RAPGEF6: variants seen among roughly 807,000 people sequenced by gnomAD.
RAPGEF6 encodes Rap guanine nucleotide exchange factor 6.
RAPGEF6 carries 56 observed loss-of-function variants against 171.4 expected under a neutral mutation model. The ratio of observed to expected loss-of-function variants is 0.33; its 90% CI spans 0.26 to 0.41. RAPGEF6 has a LOEUF of 0.41. RAPGEF6 is among the 10% of genes least tolerant of loss of function. RAPGEF6 has a pLI of 1.00. For synonymous variants in RAPGEF6, 692 were observed against 650.1 expected (o/e 1.06, Z -0.98); for missense variants, 1,674 against 1,921.4 (o/e 0.87, Z 2.41).
rs747282777 is a variant in RAPGEF6 at position 131,462,131 on chromosome 5, GATTAA to G, written c.2481-48_2481-44del. ...TTTAAATAAATGTATTCATAAATAT[GATTAA>G]ATAAGAGCACTTTTCCTTTTTGTCG... On this transcript the variant is annotated intron_variant, in intron 18 of 27. Transcript: ENST00000509018. 1.1e-5 allele frequency: 14 copies of G among 1,302,048 alleles called. No homozygotes were observed. In the Admixed American group the frequency reaches 2.7e-4, roughly 25 times the overall value. The allele number at this position is 1,302,048 out of a possible 1,614,324, so 80.7% of individuals were successfully genotyped here. A position where few individuals can be genotyped will look rare whatever the true frequency, so the allele number is the denominator to read the frequency against.
chr5:131,431,399 TTC>T (rs1258067580), intron 25 of RAPGEF6, 50 bp from the exon 26 acceptor site: 4 of 1,526,848 alleles, frequency 2.6e-6, no homozygotes, highest in Non-Finnish European at 3.5e-6. Flanking sequence ...AAAAACTATC[TTC>T]TCTCTGTTTC....
At chr5:131,552,758 G>A (rs1214981979) in intron 5 of RAPGEF6, among the ~76,000 whole-genome samples, 1 of 151,812 alleles carries the variant, frequency 6.6e-6, no homozygotes, top group Non-Finnish European at 1.5e-5. Context: ...ACCACACCAG[G>A]CCAACAAAAA....
intron 21 of RAPGEF6, chr5:131,446,968 T>C: frequency 2.7e-6 from 1 of 373,126 alleles, no homozygotes; most frequent in Non-Finnish European, 4.9e-6. Context: ...TGTTTGTGCC[T>C]ATGCAACCTA....
intron 6 of RAPGEF6, among the ~76,000 whole-genome samples, chr5:131,523,380 T>C (rs1461989807): frequency 6.7e-6 from 1 of 149,446 alleles, no homozygotes; most frequent in African/African-American, 2.5e-5. Context: ...CTGGTCAGAA[T>C]TGGTCCAGTT....
At chr5:131,508,939 A>G (rs1444491005) in intron 8 of RAPGEF6, among the ~76,000 whole-genome samples, 1 of 152,212 alleles carries the variant, frequency 6.6e-6, no homozygotes, top group African/African-American at 2.4e-5. Flanking sequence ...TAACGTTCAT[A>G]ACATAAATCC....
At chr5:131,575,161 C>T (rs183532146) in intron 4 of RAPGEF6, among the ~76,000 whole-genome samples, 2 of 152,248 alleles carry the variant, frequency 1.3e-5, no homozygotes, top group East Asian at 3.9e-4. Flanking sequence ...TCATTCCAAC[C>T]TCTTTTCACT....
chr5:131,497,766 C>A (rs1756729629), intron 12 of RAPGEF6, among the ~76,000 whole-genome samples: 1 of 152,148 alleles, frequency 6.6e-6, no homozygotes, highest in South Asian at 2.1e-4. Flanking sequence ...AAATATAACT[C>A]AAAAAGACAC....
rs137921766 is a variant in RAPGEF6, at chr5:131,634,073, G to A, written c.69+889C>T. 3.7e-3 allele frequency among the ~76,000 whole-genome samples: 568 copies of A among 152,316 alleles called. 4 individuals carry two copies. The highest frequency in any genetic ancestry group is 0.013 in the African/African-American group (538 of 41,554). ...GTCAGCCCAACGTTACTGAGACTCA[G>A]TATGCAAAACACTACATATCTGAAA... is the stretch of plus-strand genomic sequence containing the variant. On this transcript the variant is annotated intron_variant, in intron 1 of 27. Coordinates refer to ENST00000509018, the MANE Select transcript of RAPGEF6 (RefSeq NM_016340.6).
At chr5:131,621,103 G>T (rs1405565808) in intron 1 of RAPGEF6, among the ~76,000 whole-genome samples, 1 of 152,144 alleles carries the variant, frequency 6.6e-6, no homozygotes, top group African/African-American at 2.4e-5. Flanking sequence ...GGCATATGCT[G>T]TTACCCTTTC....
At chr5:131,541,478 T>C (rs1314948440) in intron 6 of RAPGEF6, among the ~76,000 whole-genome samples, 1 of 152,102 alleles carries the variant, frequency 6.6e-6, no homozygotes, top group African/African-American at 2.4e-5. Flanking sequence ...AAAGGATTTA[T>C]ATGCCATATA....
chr5:131,634,884 G>T, intron 1 of RAPGEF6, 78 bp downstream of exon 1: 2 of 1,535,450 alleles, frequency 1.3e-6, no homozygotes, highest in Non-Finnish European at 1.8e-6. Context: ...CAAGAGGGCA[G>T]TCGCCGCGGA....
rs566932446 is a variant in RAPGEF6 at position 131,509,355 on chromosome 5, A to T, written c.805+959T>A. Reference sequence around the variant, plus strand: ...TCAGGAGATCGAGACCATCCTGGCTAACACGTTGAAACCCCATTGCTACTA... The same window carrying T: ...TCAGGAGATCGAGACCATCCTGGCTTACACGTTGAAACCCCATTGCTACTA... On this transcript the variant is annotated intron_variant, in intron 8 of 27. Coordinates refer to ENST00000509018, the MANE Select transcript of RAPGEF6 (RefSeq NM_016340.6). 2.6e-5 allele frequency among the ~76,000 whole-genome samples: 4 copies of T among 152,266 alleles called. No individual in the cohort carries two copies. The East Asian group carries it at 5.8e-4, about 22-fold the overall frequency.
At chr5:131,506,587 A>C (rs906889768) in intron 9 of RAPGEF6, among the ~76,000 whole-genome samples, 12 of 152,190 alleles carry the variant, frequency 7.9e-5, no homozygotes, top group African/African-American at 2.7e-4. Context: ...AATGGCAATA[A>C]GGTATTTTTT....
intron 1 of RAPGEF6, among the ~76,000 whole-genome samples, chr5:131,618,178 G>A (rs1020606414): frequency 1.3e-5 from 2 of 152,008 alleles, no homozygotes; most frequent in Non-Finnish European, 2.9e-5. Context: ...GGCTTCCACT[G>A]GCTATATTTG....
chr5:131,526,144 G>GGACA (rs910613970), intron 6 of RAPGEF6, among the ~76,000 whole-genome samples: 1 of 152,086 alleles, frequency 6.6e-6, no homozygotes, highest in African/African-American at 2.4e-5. Context: ...GTCTAATACT[G>GGACA]GACAGTGGAG....
chr5:131,493,804 CT>C (rs949521145), intron 13 of RAPGEF6, among the ~76,000 whole-genome samples: 6 of 152,016 alleles, frequency 3.9e-5, no homozygotes, highest in African/African-American at 1.5e-4. Context: ...AATCCCATGA[CT>C]TTTTTTCCCA....
chr5:131,586,492 G>A (rs1050359987), intron 4 of RAPGEF6, among the ~76,000 whole-genome samples: 1 of 152,150 alleles, frequency 6.6e-6, no homozygotes, highest in South Asian at 2.1e-4. Flanking sequence ...TTAGTTGGGC[G>A]TGGTGTCACG....
chr5:131,472,713 T>C lies in RAPGEF6; in HGVS notation c.2113A>G (p.Ser705Gly). 6.2e-7 allele frequency: 1 copy of C among 1,612,318 alleles called. No homozygotes were observed. Among genetic ancestry groups the C allele is most frequent in the Non-Finnish European group, 8.5e-7 (1 of 1,178,308 alleles). Residue 705 changes from serine (S) to glycine (G), a missense_variant, in exon 17 of 28, where the codon AGC (serine) becomes GGC (glycine). Ser to Gly is a moderately conservative substitution (Grantham distance 56). Coordinates refer to ENST00000509018, the MANE Select transcript of RAPGEF6 (RefSeq NM_016340.6). ...CTACAGTGCCTTGTTCCCACAATGC[T>C]GTCATCTTGTGATTGGCTTAGGCCT... ...DGGLSQSQDD[S>G]IVGTRHCRHS...
chr5:131,467,058 G>C (rs1754404080), intron 17 of RAPGEF6, among the ~76,000 whole-genome samples: 1 of 152,132 alleles, frequency 6.6e-6, no homozygotes, highest in Non-Finnish European at 1.5e-5. Context: ...TGACCTTGAG[G>C]GAATGGGGAG....
Sources: allele counts gnomAD v4.1 joint callset (sites outside exome capture counted in the v4.1 genomes callset), GRCh38; gene constraint gnomAD v4.1.1; transcripts MANE v1.5; gene names NCBI Gene and HGNC (gene_info 2026-07-23, HGNC 2026-07-21).